CDH17: variants seen among roughly 807,000 people sequenced by gnomAD.
CDH17 encodes the protein cadherin 17.
CDH17 carries 67 observed loss-of-function variants against 86.3 expected under a neutral mutation model. The observed-to-expected ratio is 0.78, with a 90% confidence interval of 0.64 to 0.95. The LOEUF (loss-of-function observed/expected upper bound fraction) is 0.95, where lower values mean the gene tolerates loss of function less well. Among genes scored for constraint, CDH17 ranks in the 40% least tolerant of loss-of-function variants. CDH17 has a pLI of 0.00. For synonymous variants in CDH17, 367 were observed against 366.4 expected (o/e 1.00, Z -0.02); for missense variants, 993 against 1,017.6 (o/e 0.98, Z 0.33).
chr8:94,129,819 C>G (rs1366896930), intron 17 of CDH17, among the ~76,000 whole-genome samples: 1 of 152,096 alleles, frequency 6.6e-6, no homozygotes, highest in Non-Finnish European at 1.5e-5. Flanking sequence ...GTTTCATACA[C>G]AATATTATTT....
intron 15 of CDH17, among the ~76,000 whole-genome samples, chr8:94,145,083 A>G (rs1219159265): frequency 2.6e-5 from 4 of 152,216 alleles, no homozygotes; most frequent in African/African-American, 4.8e-5. Context: ...CAATTTGGAA[A>G]GTAGTTCAAC....
Position 94,130,755 on chromosome 8 carries a change from G to C in CDH17, c.2285-16C>G. On this transcript the variant is annotated splice_polypyrimidine_tract_variant and intron_variant, in intron 16 of 17. Transcript: ENST00000027335. ...CAGAATGTAACTGAAAAGCAGGACA[G>C]TATTTGGTAGGATAAATTCTCAAGT... 1 of 1,595,456 alleles carries C rather than the reference G, an allele frequency of 6.3e-7. No individual in the cohort carries two copies. Among genetic ancestry groups the C allele is most frequent in the Non-Finnish European group, 8.6e-7 (1 of 1,163,008 alleles).
At position 94,148,893 on chromosome 8, in the gene CDH17, G is replaced by A; in HGVS notation, c.1797-19C>T. ...TGAATAGCTTCATCAAATGAAAAGA[G>A]CAAAAGAAAGCCTGCATTACTTTGC... On this transcript the variant is annotated intron_variant, in intron 13 of 17. Coordinates refer to ENST00000027335, the MANE Select transcript of CDH17 (RefSeq NM_004063.4). The A allele has an allele frequency of 1.3e-6, 2 of 1,591,882 alleles. No individual in the cohort carries two copies. Among genetic ancestry groups the A allele is most frequent in the Non-Finnish European group, 1.7e-6 (2 of 1,173,368 alleles).
chr8:94,130,955 A>G lies in CDH17; in HGVS notation c.2205T>C (p.Phe735=), dbSNP rs1237135515. 3.7e-6 allele frequency: 6 copies of G among 1,610,062 alleles called. No individual in the cohort carries two copies. Among genetic ancestry groups the G allele is most frequent in the Non-Finnish European group, 5.1e-6 (6 of 1,176,456 alleles). The part of the protein sequence containing the change: ...HARLSTRHTE[F]EEREYVVLIR... Reference sequence around the variant, plus strand: ...TCAAGACGACATACTCCCTCTCCTCAAACTCTGTGTGCCTGGTAGACAGTC... The same window carrying G: ...TCAAGACGACATACTCCCTCTCCTCGAACTCTGTGTGCCTGGTAGACAGTC... The change falls in exon 16 of 18, where the codon TTT becomes TTC. Residue 735 remains phenylalanine (F), a synonymous_variant. Transcript: ENST00000027335.
At position 94,173,782 on chromosome 8, in the gene CDH17, G is replaced by A. The variant is rs898208311; in HGVS notation, c.783+15C>T. ...ATCTAGTTGGCTCTCAGTGTTACTT[G>A]GGCTTGGGTACTACCTGAGTGATTT... On this transcript the variant is annotated intron_variant, in intron 7 of 17. Coordinates refer to ENST00000027335, the MANE Select transcript of CDH17 (RefSeq NM_004063.4). The A allele has an allele frequency of 1.9e-6, 3 of 1,607,198 alleles. No homozygotes were observed. The highest frequency in any genetic ancestry group is 1.7e-5 in the Admixed American group (1 of 59,974).
At chr8:94,153,251 C>T (rs1460833522) in intron 12 of CDH17, among the ~76,000 whole-genome samples, 1 of 151,924 alleles carries the variant, frequency 6.6e-6, no homozygotes, top group South Asian at 2.1e-4. Flanking sequence ...AAATAGCCAA[C>T]AAGTATATGG....
chr8:94,148,332 G>A (rs1007603309), intron 14 of CDH17, among the ~76,000 whole-genome samples: 50 of 152,010 alleles, frequency 3.3e-4, no homozygotes, highest in African/African-American at 1.1e-3. Flanking sequence ...ACCTGAGGTC[G>A]GAAGTTTGAG....
At chr8:94,136,685 T>C (rs1482374690) in intron 15 of CDH17, among the ~76,000 whole-genome samples, 1 of 152,278 alleles carries the variant, frequency 6.6e-6, no homozygotes, top group Non-Finnish European at 1.5e-5. Flanking sequence ...GTTCCGTTGC[T>C]GGCAAGGAGC....
intron 8 of CDH17, 75 bp from the exon 9 acceptor site, chr8:94,170,622 C>T: frequency 2.6e-6 from 4 of 1,509,990 alleles, no homozygotes; most frequent in Non-Finnish European, 3.6e-6. Flanking sequence ...ATCGTTGTTT[C>T]ATTTCTATGT....
chr8:94,177,477 G>C (rs1171698802), intron 4 of CDH17, 110 bp downstream of exon 4: 1 of 1,144,826 alleles, frequency 8.7e-7, no homozygotes, highest in African/African-American at 1.5e-5. Flanking sequence ...TTAATGTAAG[G>C]AAAGCTGTAA....
intron 11 of CDH17, 123 bp downstream of exon 11, chr8:94,161,963 C>T: frequency 3.2e-6 from 2 of 624,478 alleles, no homozygotes; most frequent in Non-Finnish European, 5.7e-6. Flanking sequence ...TATTTGTGCA[C>T]TGACCAAGGT....
chr8:94,193,527 A>T (rs1245153031), intron 2 of CDH17, among the ~76,000 whole-genome samples: 1 of 152,220 alleles, frequency 6.6e-6, no homozygotes. Context: ...CAGAAAACTG[A>T]GGTTCAAAGC....
Position 94,160,344 on chromosome 8 carries a change from G to A in CDH17, c.1360-182C>T, listed in dbSNP as rs117377309. On this transcript the variant is annotated intron_variant, in intron 11 of 17. Coordinates refer to ENST00000027335, the MANE Select transcript of CDH17 (RefSeq NM_004063.4). ...ATTTTAACATCAGTCATACTCATGA[G>A]CTGATATCCATTGTACCAAAGAACG... is the stretch of plus-strand genomic sequence containing the variant. 2.4e-3 allele frequency among the ~76,000 whole-genome samples: 364 copies of A among 152,236 alleles called. 14 individuals carry two copies. The East Asian group carries it at 0.062, about 26-fold the overall frequency.
chr8:94,190,346 C>G (rs1412818073), intron 2 of CDH17, among the ~76,000 whole-genome samples: 1 of 152,190 alleles, frequency 6.6e-6, no homozygotes, highest in East Asian at 1.9e-4. Flanking sequence ...TGAAGATGTG[C>G]ATGAGAGTGT....
At chr8:94,168,100 ATATATATAT>A (rs1813192281) in intron 9 of CDH17, among the ~76,000 whole-genome samples, 1 of 640 alleles carries the variant, frequency 1.6e-3, no homozygotes, top group African/African-American at 4.3e-3. Flanking sequence ...ACTGGGGAAT[ATATATATAT>A]ATATATATAT....
At chr8:94,199,435 G>A (rs758706550) in intron 1 of CDH17, among the ~76,000 whole-genome samples, 3 of 150,752 alleles carry the variant, frequency 2.0e-5, no homozygotes, top group African/African-American at 4.9e-5. Flanking sequence ...AGAACTGGTC[G>A]AACTAGATCA....
intron 15 of CDH17, among the ~76,000 whole-genome samples, chr8:94,145,336 A>C (rs1479612320): frequency 6.6e-6 from 1 of 152,220 alleles, no homozygotes; most frequent in African/African-American, 2.4e-5. Flanking sequence ...ACACCGATAC[A>C]TCTCAAAATA....
chr8:94,162,199 T>A (rs758700182), intron 10 of CDH17, 37 bp from the exon 11 acceptor site: 1 of 1,291,762 alleles, frequency 7.7e-7, no homozygotes, highest in South Asian at 1.2e-5. Flanking sequence ...AAATTTTCAC[T>A]GAAAACCATG....
At position 94,134,229 on chromosome 8, in the gene CDH17, G is replaced by T. The variant is rs559302657; in HGVS notation, c.2168-3237C>A. 1.0e-3 allele frequency among the ~76,000 whole-genome samples: 156 copies of T among 152,326 alleles called. No homozygotes were observed. In the South Asian group the frequency reaches 0.019, roughly 19 times the overall value. On this transcript the variant is annotated intron_variant, in intron 15 of 17. Transcript: ENST00000027335. Reference sequence around the variant, plus strand: ...TGATTGAAATAGTTTCAGAAGGAATGATACCAGCTCTTCTTGTACCTCTGG... The same window carrying T: ...TGATTGAAATAGTTTCAGAAGGAATTATACCAGCTCTTCTTGTACCTCTGG...
Sources: allele counts gnomAD v4.1 joint callset (sites outside exome capture counted in the v4.1 genomes callset), GRCh38; gene constraint gnomAD v4.1.1; transcripts MANE v1.5; gene names NCBI Gene and HGNC (gene_info 2026-07-23, HGNC 2026-07-21).